LPP: variants seen among roughly 807,000 people sequenced by gnomAD.
LPP encodes LIM domain containing preferred translocation partner in lipoma.
LPP carries 38 observed loss-of-function variants against 60.4 expected under a neutral mutation model. That is an observed-to-expected ratio of 0.63 (90% CI 0.49 to 0.83). The LOEUF (loss-of-function observed/expected upper bound fraction) is 0.83, where lower values mean the gene tolerates loss of function less well. Among genes scored for constraint, LPP ranks in the 40% least tolerant of loss-of-function variants. The pLI is 0.00. For missense variants in LPP, 902 were observed against 783.6 expected, an observed-to-expected ratio of 1.15 and a Z score of -1.80; for synonymous variants, 328 against 290.8, an observed-to-expected ratio of 1.13 and a Z score of -1.30.
intron 2 of LPP, among the ~76,000 whole-genome samples, chr3:188,335,100 T>C (rs987564645): frequency 2.0e-5 from 3 of 152,220 alleles, no homozygotes; most frequent in African/African-American, 7.2e-5. Flanking sequence ...GTGAGCATCT[T>C]TGTCTTGTTC....
At chr3:188,495,064 T>TTTTATATATATATATATATATATATATA (rs1430620373) in intron 5 of LPP, among the ~76,000 whole-genome samples, 71 of 53,864 alleles carry the variant, frequency 1.3e-3, no homozygotes, top group African/African-American at 4.9e-3. Flanking sequence ...GTTCAGGATT[T>TTTTATATATATATATATATATATATATA]TATATATATA....
At chr3:188,794,131 T>C (rs1744637110) in intron 9 of LPP, among the ~76,000 whole-genome samples, 1 of 152,254 alleles carries the variant, frequency 6.6e-6, no homozygotes, top group Non-Finnish European at 1.5e-5. Flanking sequence ...GTATTGACAG[T>C]TGATAGTTAC....
intron 3 of LPP, among the ~76,000 whole-genome samples, chr3:188,368,343 C>G (rs1398169991): frequency 8.6e-5 from 13 of 151,132 alleles, no homozygotes; most frequent in Non-Finnish European, 1.8e-4. Context: ...GAAACAACAC[C>G]CTTTTTTAAC....
intron 4 of LPP, among the ~76,000 whole-genome samples, chr3:188,433,774 AG>A (rs1791612826): frequency 6.6e-6 from 1 of 152,026 alleles, no homozygotes; most frequent in Admixed American, 6.6e-5. Flanking sequence ...GAGAAGGAAA[AG>A]AAGGAAGGAA....
At position 188,209,038 on chromosome 3, in the gene LPP, G is replaced by A. The variant is rs186131725; in HGVS notation, c.-189-16367G>A. 1.4e-4 allele frequency among the ~76,000 whole-genome samples: 22 copies of A among 152,204 alleles called. No homozygotes were observed. The East Asian group carries it at 2.9e-3, about 20-fold the overall frequency. ...AACTGCTCTGAGATATAAGCAGAGC[G>A]CCTATTTTAATCTCCAATTTTCAGG... On this transcript the variant is annotated intron_variant, in intron 1 of 11. Transcript: ENST00000617246.
At position 188,466,048 on chromosome 3, in the gene LPP, T is replaced by G. The variant is rs377262335; in HGVS notation, c.194-18544T>G. On this transcript the variant is annotated intron_variant, in intron 4 of 11. Transcript: ENST00000617246. The stretch of plus-strand genomic sequence containing the variant: ...GCAGGGCAGGAAGAAGGGGCAAGAT[T>G]TGCGAGGATCAGAATCCTAGGTACT... Among the ~76,000 whole-genome samples the G allele has an allele frequency of 2.6e-5, 4 of 152,234 alleles. No individual in the cohort carries two copies. In the South Asian group the frequency reaches 8.3e-4, roughly 32 times the overall value.
chr3:188,620,700 T>A (rs765174736), intron 7 of LPP, among the ~76,000 whole-genome samples: 1 of 152,216 alleles, frequency 6.6e-6, no homozygotes, highest in African/African-American at 2.4e-5. Context: ...TAATTTAATG[T>A]TCAACATTTT....
At position 188,200,416 on chromosome 3, in the gene LPP, A is replaced by G. The variant is rs563490823; in HGVS notation, c.-189-24989A>G. ...AGGCACATGCCACCATGCCCCACTA[A>G]TTTTTGTATTTTTAGTGGAGACGGG... On this transcript the variant is annotated intron_variant, in intron 1 of 11. Transcript: ENST00000617246. Among the ~76,000 whole-genome samples, 32 of 152,128 alleles carry G rather than the reference A, an allele frequency of 2.1e-4. No homozygotes were observed. The East Asian group carries it at 4.7e-3, about 22-fold the overall frequency.
intron 2 of LPP, among the ~76,000 whole-genome samples, chr3:188,281,735 G>A (rs181083623): frequency 6.6e-6 from 1 of 151,296 alleles, no homozygotes; most frequent in East Asian, 2.0e-4. Flanking sequence ...TTTCTTCCAA[G>A]AAGTTACCGT....
chr3:188,185,771 G>C (rs1018561252), intron 1 of LPP, among the ~76,000 whole-genome samples: 1 of 152,118 alleles, frequency 6.6e-6, no homozygotes, highest in Non-Finnish European at 1.5e-5. Flanking sequence ...TTCTCTCATG[G>C]TGTGGGTAAT....
At chr3:188,254,151 CCTATT>C (rs1186661544) in intron 2 of LPP, among the ~76,000 whole-genome samples, 1 of 152,166 alleles carries the variant, frequency 6.6e-6, no homozygotes, top group Non-Finnish European at 1.5e-5. Flanking sequence ...GGTCTGCCCA[CCTATT>C]CTTAAGAAAT....
At chr3:188,791,558 C>CT (rs34944971) in intron 9 of LPP, among the ~76,000 whole-genome samples, 351 of 144,948 alleles carry the variant, frequency 2.4e-3, no homozygotes, top group African/African-American at 6.3e-3. Context: ...AGCCTCATTT[C>CT]TTTTTTTTTT....
chr3:188,753,662 A>T (rs2150356117), intron 8 of LPP, among the ~76,000 whole-genome samples: 1 of 147,776 alleles, frequency 6.8e-6, no homozygotes, highest in South Asian at 2.1e-4. Context: ...CTCTTTTTGG[A>T]CTAAGATGTT....
chr3:188,245,200 C>A (rs1191444289), intron 2 of LPP, among the ~76,000 whole-genome samples: 2 of 152,198 alleles, frequency 1.3e-5, no homozygotes, highest in South Asian at 2.1e-4. Context: ...GCAACCTCTG[C>A]CTCCCGGGTT....
chr3:188,461,518 A>G (rs1490023478), intron 4 of LPP, among the ~76,000 whole-genome samples: 1 of 152,146 alleles, frequency 6.6e-6, no homozygotes, highest in African/African-American at 2.4e-5. Flanking sequence ...TTTTTGTTTA[A>G]AAAACACCCA....
At chr3:188,423,573 G>A (rs560486904) in intron 4 of LPP, among the ~76,000 whole-genome samples, 1 of 152,262 alleles carries the variant, frequency 6.6e-6, no homozygotes, top group Admixed American at 6.5e-5. Flanking sequence ...CAGTGTAAAA[G>A]CATTCTTATT....
intron 2 of LPP, among the ~76,000 whole-genome samples, chr3:188,303,872 C>G (rs1439992099): frequency 6.6e-6 from 1 of 152,120 alleles, no homozygotes; most frequent in African/African-American, 2.4e-5. Context: ...GAAAGTTATA[C>G]TGGAACCATT....
chr3:188,433,216 T>C (rs921672409), intron 4 of LPP, among the ~76,000 whole-genome samples: 5 of 152,310 alleles, frequency 3.3e-5, no homozygotes, highest in Non-Finnish European at 5.9e-5. Context: ...TTGAACGTTA[T>C]AGTGATGGAT....
intron 6 of LPP, among the ~76,000 whole-genome samples, chr3:188,557,980 A>G (rs1317440751): frequency 6.7e-6 from 1 of 149,916 alleles, no homozygotes; most frequent in African/African-American, 2.4e-5. Context: ...TTGACCAGAA[A>G]GAGAATGGAT....
Sources: gnomAD v4.1 joint callset for allele counts (sites outside exome capture counted in the v4.1 genomes callset) on GRCh38, gnomAD v4.1.1 for gene constraint, MANE v1.5 for transcripts, NCBI Gene and HGNC (gene_info 2026-07-23, HGNC 2026-07-21) for gene names.